The following BBS9 variants were observed in gnomAD, a reference collection of about 807,000 sequenced individuals.
The protein encoded by BBS9 is Bardet-Biedl syndrome 9, also known as protein PTHB1.
A neutral mutation model predicts 117.7 loss-of-function variants in BBS9; 89 were observed. The observed-to-expected ratio is 0.76, with a 90% CI of 0.64 to 0.90. BBS9 has a LOEUF of 0.90. Ranked by LOEUF, BBS9 falls within the 40% of genes least tolerant of loss-of-function variation. The probability of loss-of-function intolerance (pLI) is 0.00; values close to 1 mark genes in which losing one functional copy is unlikely to be tolerated. For missense variants in BBS9, 982 were observed against 1,042.2 expected (o/e 0.94, Z 0.80); for synonymous variants, 379 against 370.9 (o/e 1.02, Z -0.25).
At chr7:33,333,599 A>G (rs903284330) in intron 9 of BBS9, among the ~76,000 whole-genome samples, 3 of 152,154 alleles carry the variant, frequency 2.0e-5, no homozygotes, top group Non-Finnish European at 2.9e-5. Flanking sequence ...AGCCATAAAA[A>G]TAAACAAACT....
intron 19 of BBS9, among the ~76,000 whole-genome samples, chr7:33,441,549 T>A (rs1400382651): frequency 2.0e-5 from 3 of 152,230 alleles, no homozygotes. Context: ...TATGTCTATT[T>A]CTTTAGAATG....
chr7:33,496,021 A>T (rs1844654273), intron 19 of BBS9, among the ~76,000 whole-genome samples: 1 of 152,214 alleles, frequency 6.6e-6, no homozygotes, highest in Non-Finnish European at 1.5e-5. Context: ...TTGTAATCAT[A>T]GACCAGAAAA....
intron 4 of BBS9, among the ~76,000 whole-genome samples, chr7:33,159,154 T>C (rs1444253068): frequency 6.6e-6 from 1 of 152,132 alleles, no homozygotes; most frequent in Admixed American, 6.6e-5. Context: ...GCTTAAAAGA[T>C]GTAAGGAGGC....
downstream of BBS9, among the ~76,000 whole-genome samples, chr7:33,608,724 A>G (rs7798081): frequency 0.36 from 54,497 of 151,728 alleles, 12,832 homozygotes; most frequent in African/African-American, 0.67. Context: ...TTGCTTGTTT[A>G]TTTGTTTAGG....
chr7:33,506,186 T>A (rs563912617), intron 20 of BBS9, among the ~76,000 whole-genome samples: 1 of 152,252 alleles, frequency 6.6e-6, no homozygotes, highest in South Asian at 2.1e-4. Context: ...AAAATGAGGG[T>A]AGTATTTGGC....
chr7:33,299,493 A>G (rs893041254), intron 9 of BBS9, among the ~76,000 whole-genome samples: 6 of 151,018 alleles, frequency 4.0e-5, no homozygotes, highest in African/African-American at 1.5e-4. Context: ...GAAGTAGGGC[A>G]GAACTACTTA....
intron 21 of BBS9, among the ~76,000 whole-genome samples, chr7:33,555,486 A>G (rs1855153881): frequency 6.6e-6 from 1 of 152,222 alleles, no homozygotes; most frequent in Non-Finnish European, 1.5e-5. Context: ...GAGAAATAGT[A>G]TGAAGGCAAG....
intron 5 of BBS9, among the ~76,000 whole-genome samples, chr7:33,187,491 GT>G (rs1783315651): frequency 2.0e-5 from 3 of 152,242 alleles, no homozygotes; most frequent in African/African-American, 7.2e-5. Flanking sequence ...CAAGTCTGGT[GT>G]GTTGTTCCTC....
chr7:33,352,339 A>G (rs1438983223), intron 14 of BBS9, among the ~76,000 whole-genome samples: 1 of 152,172 alleles, frequency 6.6e-6, no homozygotes, highest in African/African-American at 2.4e-5. Context: ...AATCATTGGT[A>G]TTGGTTGAAA....
chr7:33,443,765 C>T (rs1367246487), intron 19 of BBS9, among the ~76,000 whole-genome samples: 1 of 152,064 alleles, frequency 6.6e-6, no homozygotes, highest in Non-Finnish European at 1.5e-5. Context: ...GACACCAGAC[C>T]CCTTCTGTGT....
In BBS9 at chr7:33,590,326, G is replaced by T. The variant is rs184587111; in HGVS notation, c.2522-14539G>T. 2.8e-4 allele frequency among the ~76,000 whole-genome samples: 42 copies of T among 152,114 alleles called. 1 individual carries two copies. Among genetic ancestry groups the T allele is most frequent in the Admixed American group, 5.9e-4 (9 of 15,246 alleles). ...AAGAAAATGCTGGCATGAAAGTGGG[G>T]TCAAGAGATAGTTAATTTTTCTTGA... is the stretch of plus-strand genomic sequence containing the variant. On this transcript the variant is annotated intron_variant, in intron 21 of 22. Transcript: ENST00000242067.
At chr7:33,293,604 G>A (rs892888878) in intron 9 of BBS9, among the ~76,000 whole-genome samples, 5 of 152,072 alleles carry the variant, frequency 3.3e-5, no homozygotes, top group Non-Finnish European at 4.4e-5. Flanking sequence ...AGTGTCTTTC[G>A]GGAAATATAA....
At chr7:33,191,856 C>T (rs540595793) in intron 5 of BBS9, among the ~76,000 whole-genome samples, 12 of 151,874 alleles carry the variant, frequency 7.9e-5, no homozygotes, top group Admixed American at 2.0e-4. Flanking sequence ...TTATCTTTTC[C>T]TCACTTTCAG....
intron 19 of BBS9, among the ~76,000 whole-genome samples, chr7:33,426,283 C>T (rs1833648612): frequency 6.6e-6 from 1 of 152,134 alleles, no homozygotes; most frequent in Non-Finnish European, 1.5e-5. Context: ...TACTGAGTGC[C>T]AGCTATTGCT....
intron 5 of BBS9, among the ~76,000 whole-genome samples, chr7:33,178,434 G>T (rs112712601): frequency 5.9e-5 from 9 of 152,266 alleles, no homozygotes; most frequent in African/African-American, 1.9e-4. Context: ...CCAAGGCTTG[G>T]TGCTTGCTTG....
At chr7:33,267,993 G>T (rs1204414256) in intron 7 of BBS9, among the ~76,000 whole-genome samples, 1 of 152,108 alleles carries the variant, frequency 6.6e-6, no homozygotes. Flanking sequence ...ATTTTTGGGG[G>T]CCTTGTTCTC....
chr7:33,147,160 T>C (rs1032891124), intron 2 of BBS9, among the ~76,000 whole-genome samples: 7 of 152,202 alleles, frequency 4.6e-5, no homozygotes, highest in African/African-American at 7.2e-5. Context: ...CTTATTCTTA[T>C]GCATCTTCAT....
chr7:33,598,034 G>C (rs533006487), intron 21 of BBS9, among the ~76,000 whole-genome samples: 6 of 151,810 alleles, frequency 4.0e-5, no homozygotes, highest in Admixed American at 3.9e-4. Context: ...GATCTGCCTC[G>C]GGTCCTACAG....
chr7:33,404,210 T>C, intron 19 of BBS9, among the ~76,000 whole-genome samples: 1 of 152,124 alleles, frequency 6.6e-6, no homozygotes, highest in Non-Finnish European at 1.5e-5. Flanking sequence ...TATATCTCTG[T>C]TTTGGTACCA....
Sources: gnomAD v4.1 joint callset for allele counts (sites outside exome capture counted in the v4.1 genomes callset) on GRCh38, gnomAD v4.1.1 for gene constraint, MANE v1.5 for transcripts, NCBI Gene and HGNC (gene_info 2026-07-23, HGNC 2026-07-21) for gene names.